Variants in TIAM2 observed in about 807,000 individuals in gnomAD.
The protein encoded by TIAM2 is rho guanine nucleotide exchange factor TIAM2.
In TIAM2, 80 loss-of-function variants were observed where a neutral mutation model predicts 152.9. That is an observed-to-expected ratio of 0.52 (90% CI 0.44 to 0.63). TIAM2 has a LOEUF of 0.63. Among genes scored for constraint, TIAM2 ranks in the 30% least tolerant of loss-of-function variants. The pLI is 0.00. For missense variants in TIAM2, 1,965 were observed against 2,120.1 expected, an observed-to-expected ratio of 0.93 and a Z score of 1.44; for synonymous variants, 804 against 838.0, an observed-to-expected ratio of 0.96 and a Z score of 0.70.
intron 1 of TIAM2, among the ~76,000 whole-genome samples, chr6:155,042,470 T>G (rs1298994380): frequency 6.6e-6 from 1 of 152,130 alleles, no homozygotes; most frequent in Non-Finnish European, 1.5e-5. Context: ...GTGGGACCTG[T>G]AGTCCCAGCT....
intron 14 of TIAM2, among the ~76,000 whole-genome samples, chr6:155,210,008 T>C (rs987341169): frequency 6.6e-6 from 1 of 152,190 alleles, no homozygotes; most frequent in Non-Finnish European, 1.5e-5. Context: ...ATTGATTTCT[T>C]GTTGTACCTA....
chr6:155,223,214 C>A (rs533237267), intron 15 of TIAM2, among the ~76,000 whole-genome samples: 3 of 152,310 alleles, frequency 2.0e-5, no homozygotes, highest in South Asian at 2.1e-4. Flanking sequence ...AGTTTGTGAT[C>A]CTTACTTTGA....
At chr6:155,168,724 T>G (rs752361459) in intron 9 of TIAM2, 18 of 775,444 alleles carry the variant, frequency 2.3e-5, no homozygotes, top group Non-Finnish European at 3.3e-5. Context: ...TGATACAAAT[T>G]GTGATATGAA....
chr6:155,158,971 C>T (rs1036413311), intron 7 of TIAM2, among the ~76,000 whole-genome samples: 1 of 152,024 alleles, frequency 6.6e-6, no homozygotes, highest in Non-Finnish European at 1.5e-5. Flanking sequence ...TAAATGTGGT[C>T]AGGTAATACA....
chr6:155,223,495 G>A (rs529049396), intron 15 of TIAM2, among the ~76,000 whole-genome samples: 21 of 147,572 alleles, frequency 1.4e-4, no homozygotes, highest in Admixed American at 1.3e-3. Context: ...TTATATTGAT[G>A]ATGGTGGTTA....
At position 155,250,509 on chromosome 6, in the gene TIAM2, C is replaced by T. The variant is rs1783590263; in HGVS notation, c.3952-404C>T. ...CTGGAGATCAGTCCTTCACTCTGGC[C>T]AGTTTCAATGCTGGTGCTCTTTTAT... is the stretch of plus-strand genomic sequence containing the variant. On this transcript the variant is annotated intron_variant, in intron 21 of 26. Transcript: ENST00000682666. 8.5e-6 allele frequency: 13 copies of T among 1,527,672 alleles called. No individual in the cohort carries two copies. In the East Asian group the frequency reaches 3.2e-4, roughly 37 times the overall value. 94.6% of individuals were successfully genotyped at this position (1,527,672 alleles called of 1,614,324 possible).
chr6:155,220,504 T>C (rs766365306), intron 15 of TIAM2, among the ~76,000 whole-genome samples: 5 of 152,158 alleles, frequency 3.3e-5, no homozygotes, highest in Non-Finnish European at 7.4e-5. Context: ...GATCCTGATC[T>C]GGAAAGTAAG....
intron 7 of TIAM2, among the ~76,000 whole-genome samples, chr6:155,149,741 G>C (rs1779904453): frequency 6.6e-6 from 1 of 151,956 alleles, no homozygotes; most frequent in Non-Finnish European, 1.5e-5. Context: ...TGGCCAACGT[G>C]GTGAAACCCC....
intron 2 of TIAM2, among the ~76,000 whole-genome samples, chr6:155,112,800 G>A (rs9371860): frequency 0.72 from 109,647 of 151,848 alleles, 39,697 homozygotes; most frequent in African/African-American, 0.79. Flanking sequence ...ACTCACACTT[G>A]CTTCCACCTG....
rs561129005 is a variant in TIAM2 at position 155,204,289 on chromosome 6, C to T, written c.3065-6915C>T. Among the ~76,000 whole-genome samples the T allele has an allele frequency of 5.9e-5, 9 of 151,972 alleles. No individual in the cohort carries two copies. The South Asian group carries it at 1.9e-3, about 32-fold the overall frequency. On this transcript the variant is annotated intron_variant, in intron 14 of 26. Coordinates refer to ENST00000682666, the MANE Select transcript of TIAM2 (RefSeq NM_012454.4). ...ATCCTTTGTTTTGCTCAGAACTTTGCCAAGAGTTTTGTCATTTTGGAAAAT... is the reference window on the plus strand; with the variant it reads ...ATCCTTTGTTTTGCTCAGAACTTTGTCAAGAGTTTTGTCATTTTGGAAAAT...
intron 1 of TIAM2, among the ~76,000 whole-genome samples, chr6:155,047,726 C>CGAGA (rs763117085): frequency 1.9e-4 from 7 of 37,032 alleles, no homozygotes; most frequent in African/African-American, 7.0e-4. Context: ...AGAGAGAGAG[C>CGAGA]GAGAGAGAGA....
chr6:155,146,253 C>T (rs1370039433), intron 6 of TIAM2, among the ~76,000 whole-genome samples: 1 of 152,106 alleles, frequency 6.6e-6, no homozygotes, highest in Non-Finnish European at 1.5e-5. Context: ...TGGTGGTGCG[C>T]ACCTGTGGTC....
chr6:155,036,461 G>A (rs1776922705), intron 1 of TIAM2, among the ~76,000 whole-genome samples: 1 of 149,662 alleles, frequency 6.7e-6, no homozygotes, highest in Non-Finnish European at 1.5e-5. Context: ...TTGAACCCGG[G>A]AGGTGGAGGT....
chr6:155,251,515 GACCTCAGGTGATCC>G (rs1446689892), intron 22 of TIAM2, among the ~76,000 whole-genome samples: 3 of 152,108 alleles, frequency 2.0e-5, no homozygotes, highest in Non-Finnish European at 4.4e-5. Flanking sequence ...TCGAACTCCT[GACCTCAGGTGATCC>G]ACCTGCCTCA....
chr6:155,031,592 C>T (rs1776821296), intron 1 of TIAM2, among the ~76,000 whole-genome samples: 1 of 152,034 alleles, frequency 6.6e-6, no homozygotes, highest in Non-Finnish European at 1.5e-5. Flanking sequence ...GGTGTGGTGG[C>T]ACGCACCTAT....
chr6:155,193,403 CA>C (rs35559546), intron 14 of TIAM2, among the ~76,000 whole-genome samples: 72,001 of 150,626 alleles, frequency 0.48, 17,591 homozygotes, highest in African/African-American at 0.58. Flanking sequence ...GACCTTGTCT[CA>C]AAAAAAAATG....
intron 13 of TIAM2, 61 bp downstream of exon 13, chr6:155,182,379 G>A (rs541228684): frequency 7.5e-7 from 1 of 1,339,936 alleles, no homozygotes; most frequent in East Asian, 2.3e-5. Flanking sequence ...ATACAGTCTG[G>A]CTAGTGAATG....
intron 18 of TIAM2, 149 bp from the exon 19 acceptor site, chr6:155,245,474 C>T (rs1783263356): frequency 6.0e-6 from 4 of 667,538 alleles, no homozygotes; most frequent in Admixed American, 2.6e-5. Context: ...GGGCTGTTCC[C>T]CACCTCCTGT....
intron 1 of TIAM2, among the ~76,000 whole-genome samples, chr6:155,050,518 T>C (rs6915413): frequency 0.046 from 6,933 of 152,270 alleles, 542 homozygotes; most frequent in African/African-American, 0.16. Flanking sequence ...GAGACAATCC[T>C]TTTGAAAAGA....
Sources: gnomAD v4.1 joint callset for allele counts (sites outside exome capture counted in the v4.1 genomes callset) on GRCh38, gnomAD v4.1.1 for gene constraint, MANE v1.5 for transcripts, NCBI Gene and HGNC (gene_info 2026-07-23, HGNC 2026-07-21) for gene names.